ITGB8: variants seen among roughly 807,000 people sequenced by gnomAD.
ITGB8 encodes integrin subunit beta 8, also known as integrin beta-8.
Under a neutral mutation model 89.5 loss-of-function variants are expected in ITGB8, and 30 were observed. The ratio of observed to expected loss-of-function variants is 0.34; its 90% CI spans 0.25 to 0.45. The LOEUF (loss-of-function observed/expected upper bound fraction) is 0.45, where lower values mean the gene tolerates loss of function less well. Among genes scored for constraint, ITGB8 ranks in the 20% least tolerant of loss-of-function variants. The pLI is 1.00. For synonymous variants in ITGB8, 335 were observed against 320.4 expected (o/e 1.05, Z -0.49); for missense variants, 836 against 933.3 (o/e 0.90, Z 1.36).
chr7:20,388,790 C>T (rs1786735654), intron 6 of ITGB8, among the ~76,000 whole-genome samples: 1 of 152,100 alleles, frequency 6.6e-6, no homozygotes, highest in East Asian at 1.9e-4. Context: ...TCCTCTAGCC[C>T]CCCAACCCCT....
chr7:20,401,182 T>C (rs1787294827), intron 9 of ITGB8, among the ~76,000 whole-genome samples: 1 of 152,182 alleles, frequency 6.6e-6, no homozygotes, highest in Non-Finnish European at 1.5e-5. Flanking sequence ...TTTCACCATG[T>C]TGGCTAGGCT....
intron 7 of ITGB8, among the ~76,000 whole-genome samples, chr7:20,391,997 T>G (rs1021098574): frequency 2.0e-5 from 3 of 152,154 alleles, no homozygotes; most frequent in Non-Finnish European, 4.4e-5. Flanking sequence ...TCTGAGCCAG[T>G]CAAAGCCTTC....
rs1787272347 is a variant in ITGB8, at chr7:20,400,651, C to T, written c.1282-1070C>T. ...AGGTGAGCCAACAAATATAAATAGA[C>T]ATATTAAATCAATTGTGTTGTGCAA... On this transcript the variant is annotated intron_variant, in intron 9 of 13. Transcript: ENST00000222573. 3.3e-5 allele frequency among the ~76,000 whole-genome samples: 5 copies of T among 152,104 alleles called. No homozygotes were observed. In the South Asian group the frequency reaches 1.0e-3, roughly 32 times the overall value.
chr7:20,409,804 C>A, intron 13 of ITGB8, 26 bp downstream of exon 13: 1 of 1,611,080 alleles, frequency 6.2e-7, no homozygotes, highest in Non-Finnish European at 8.5e-7. Flanking sequence ...AAAAGAACTG[C>A]TAACAGTATG....
At chr7:20,379,516 T>A in intron 4 of ITGB8, 1 of 195,730 alleles carries the variant, frequency 5.1e-6, no homozygotes, top group Non-Finnish European at 9.9e-6. Flanking sequence ...ATTTAGTCAG[T>A]TTTTATCACC....
At chr7:20,403,672 G>A (rs1443693896) in intron 10 of ITGB8, among the ~76,000 whole-genome samples, 1 of 151,940 alleles carries the variant, frequency 6.6e-6, no homozygotes, top group Non-Finnish European at 1.5e-5. Context: ...AGAATCTGTG[G>A]AACAATTACC....
rs59368586 is a variant in ITGB8, at chr7:20,370,600, T to TTATTATTATTA, written c.388+3415_388+3416insATTATTATTAT. Among the ~76,000 whole-genome samples, 249 of 144,406 alleles carry TTATTATTATTA rather than the reference T, an allele frequency of 1.7e-3. 1 individual carries two copies. Among genetic ancestry groups the TTATTATTATTA allele is most frequent in the African/African-American group, 5.8e-3 (225 of 38,990 alleles). The allele number at this position is 144,406 out of a possible 152,430, so 94.7% of individuals were successfully genotyped here. A position where few individuals can be genotyped will look rare whatever the true frequency, so the allele number is the denominator to read the frequency against. ...ACTACTTTATTTATTTATTTACTTATTTATTATTATTATTATTATTATTAT... is the reference window on the plus strand; with the variant it reads ...ACTACTTTATTTATTTATTTACTTATTATTATTATTATTATTATTATTATTATTATTATTAT... On this transcript the variant is annotated intron_variant, in intron 3 of 13. Transcript: ENST00000222573.
chr7:20,381,115 A>T, intron 5 of ITGB8: 1 of 270,166 alleles, frequency 3.7e-6, no homozygotes, highest in Middle Eastern at 1.2e-3. Flanking sequence ...CCACACTCCA[A>T]GGAGGAACTA....
At chr7:20,391,145 T>C (rs1786837079) in intron 6 of ITGB8, among the ~76,000 whole-genome samples, 1 of 152,124 alleles carries the variant, frequency 6.6e-6, no homozygotes, top group Admixed American at 6.5e-5. Context: ...AGAGGTGCTG[T>C]TCACTCTTTG....
intron 1 of ITGB8, among the ~76,000 whole-genome samples, chr7:20,338,225 CT>C (rs2128126016): frequency 6.6e-6 from 1 of 152,270 alleles, no homozygotes; most frequent in East Asian, 1.9e-4. Context: ...CTATGGGTTT[CT>C]TTGCCTGGTT....
At chr7:20,345,559 G>A (rs1784896940) in intron 1 of ITGB8, among the ~76,000 whole-genome samples, 1 of 152,146 alleles carries the variant, frequency 6.6e-6, no homozygotes, top group Non-Finnish European at 1.5e-5. Flanking sequence ...CCTCAAGACA[G>A]TAAGAGAGTT....
chr7:20,367,150 G>T lies in ITGB8; in HGVS notation c.352G>T (p.Val118Leu), dbSNP rs146348394. ...IPTENEINTQ[V>L]TPGEVSIQLR... is the part of the protein sequence containing the mutation. ...CACTGAAAATGAAATTAATACCCAG[G>T]TGACACCAGGAGAAGTGTCTATCCA... The change falls in exon 3 of 14, where the codon GTG becomes TTG. Residue 118 changes from valine to leucine, a missense_variant. By Grantham distance (32) the Val-to-Leu change is conservative. Coordinates refer to ENST00000222573, the MANE Select transcript of ITGB8 (RefSeq NM_002214.3). The T allele has an allele frequency of 6.2e-6, 10 of 1,612,642 alleles. No homozygotes were observed. In the South Asian group the frequency reaches 1.1e-4, roughly 18 times the overall value.
chr7:20,340,120 C>T (rs186749894), intron 1 of ITGB8, among the ~76,000 whole-genome samples: 1 of 152,192 alleles, frequency 6.6e-6, no homozygotes, highest in East Asian at 1.9e-4. Context: ...ATGAGCCAAC[C>T]ATCACTGCTA....
chr7:20,376,382 G>T (rs1247353229), intron 3 of ITGB8, among the ~76,000 whole-genome samples: 3 of 152,084 alleles, frequency 2.0e-5, no homozygotes. Context: ...CCAAAATTAT[G>T]CCCAGGCATC....
intron 1 of ITGB8, among the ~76,000 whole-genome samples, chr7:20,361,880 T>G (rs3807940): frequency 0.55 from 83,482 of 151,966 alleles, 23,461 homozygotes; most frequent in South Asian, 0.72. Flanking sequence ...CTTTAGTTCT[T>G]TGAGTTCCAG....
At chr7:20,407,595 A>G (rs1339398937) in intron 12 of ITGB8, among the ~76,000 whole-genome samples, 2 of 152,140 alleles carry the variant, frequency 1.3e-5, no homozygotes, top group Non-Finnish European at 2.9e-5. Flanking sequence ...TTTCCCTCAC[A>G]TCCACACTGA....
intron 1 of ITGB8, among the ~76,000 whole-genome samples, chr7:20,357,402 A>C (rs1423197313): frequency 1.3e-5 from 2 of 152,138 alleles, no homozygotes; most frequent in African/African-American, 4.8e-5. Flanking sequence ...AGCATGTTAC[A>C]TTTACGACAA....
At chr7:20,396,432 CAA>C (rs71672323) in intron 8 of ITGB8, among the ~76,000 whole-genome samples, 13 of 121,378 alleles carry the variant, frequency 1.1e-4, no homozygotes, top group Non-Finnish European at 1.2e-4. Flanking sequence ...GACTCCATCT[CAA>C]AAAAAAAAAA....
rs1429545552 is a variant in ITGB8, at chr7:20,339,276, AT to A, written c.127+7346del. Among the ~76,000 whole-genome samples, 5 of 152,018 alleles carry A rather than the reference AT, an allele frequency of 3.3e-5. No homozygotes were observed. In the South Asian group the frequency reaches 8.3e-4, roughly 25 times the overall value. ...TGGTCAAATTATTCAGTTGGCATAT[AT>A]TTGATATTTAATATCTATAAGTGAA... On this transcript the variant is annotated intron_variant, in intron 1 of 13. Coordinates refer to ENST00000222573, the MANE Select transcript of ITGB8 (RefSeq NM_002214.3).
Sources: allele counts gnomAD v4.1 joint callset (sites outside exome capture counted in the v4.1 genomes callset), GRCh38; gene constraint gnomAD v4.1.1; transcripts MANE v1.5; gene names NCBI Gene and HGNC (gene_info 2026-07-23, HGNC 2026-07-21).